The following RPS6KC1 variants were observed in gnomAD, a reference collection of about 807,000 sequenced individuals.
RPS6KC1 encodes the protein ribosomal protein S6 kinase C1.
A neutral mutation model predicts 103.8 loss-of-function variants in RPS6KC1; 54 were observed. The ratio of observed to expected loss-of-function variants is 0.52; its 90% CI spans 0.42 to 0.65. The LOEUF (loss-of-function observed/expected upper bound fraction) is 0.65, where lower values mean the gene tolerates loss of function less well. Ranked by LOEUF, RPS6KC1 falls within the 30% of genes least tolerant of loss-of-function variation. The probability of loss-of-function intolerance (pLI) is 0.00; values close to 1 mark genes in which losing one functional copy is unlikely to be tolerated. For synonymous variants in RPS6KC1, 439 were observed against 438.7 expected (o/e 1.00, Z -0.01); for missense variants, 1,151 against 1,253.8 (o/e 0.92, Z 1.24).
At chr1:213,357,179 C>T in the RPS6KC1 span, among the ~76,000 whole-genome samples, 1 of 151,164 alleles carries the variant, frequency 6.6e-6, no homozygotes, top group East Asian at 1.9e-4. Flanking sequence ...TCCAGGAATA[C>T]ACATATTAAA....
chr1:213,611,163 A>T, the RPS6KC1 span, among the ~76,000 whole-genome samples: 1 of 152,008 alleles, frequency 6.6e-6, no homozygotes, highest in African/African-American at 2.4e-5. Context: ...CTTCTTTCCC[A>T]CTTTATTTTC....
At chr1:213,640,679 A>G in the RPS6KC1 span, among the ~76,000 whole-genome samples, 3 of 151,734 alleles carry the variant, frequency 2.0e-5, no homozygotes, top group African/African-American at 7.2e-5. Flanking sequence ...ACCTTTCCAC[A>G]TGTTTGAAGA....
chr1:213,263,352 T>G (rs1018125255), intron 14 of RPS6KC1, among the ~76,000 whole-genome samples: 1 of 152,134 alleles, frequency 6.6e-6, no homozygotes, highest in Non-Finnish European at 1.5e-5. Context: ...ATAATTAAAG[T>G]TCAGTATCCC....
intron 3 of RPS6KC1, among the ~76,000 whole-genome samples, chr1:213,085,115 CA>C (rs1475897514): frequency 5.9e-5 from 9 of 152,322 alleles, no homozygotes; most frequent in African/African-American, 2.2e-4. Flanking sequence ...AAGGTGTTGG[CA>C]GGGATGCTCT....
At chr1:213,074,752 C>CATGG (rs550868559) in intron 2 of RPS6KC1, among the ~76,000 whole-genome samples, 123 of 151,120 alleles carry the variant, frequency 8.1e-4, no homozygotes, top group Non-Finnish European at 1.6e-3. Flanking sequence ...GTTCATATAC[C>CATGG]ATGGTATTTT....
the RPS6KC1 span, among the ~76,000 whole-genome samples, chr1:213,838,307 A>G: frequency 1.3e-5 from 2 of 152,138 alleles, no homozygotes; most frequent in East Asian, 3.9e-4. Context: ...GACCCTTGGG[A>G]TGACCATGTG....
chr1:213,545,416 A>AAATAAATAAATAAAT, the RPS6KC1 span, among the ~76,000 whole-genome samples: 7 of 64,230 alleles, frequency 1.1e-4, no homozygotes, highest in African/African-American at 1.9e-4. Flanking sequence ...ATAAATAAAT[A>AAATAAATAAATAAAT]AAATAAAATA....
At chr1:213,114,140 T>C (rs1189931553) in intron 4 of RPS6KC1, among the ~76,000 whole-genome samples, 2 of 152,084 alleles carry the variant, frequency 1.3e-5, no homozygotes, top group Non-Finnish European at 2.9e-5. Context: ...AATCTGTAAA[T>C]TACCTTGGGC....
At chr1:213,488,892 T>C in the RPS6KC1 span, among the ~76,000 whole-genome samples, 1 of 152,368 alleles carries the variant, frequency 6.6e-6, no homozygotes, top group South Asian at 2.1e-4. Flanking sequence ...TGACATACTC[T>C]AGAAAAGTGT....
At chr1:213,090,953 G>A (rs891584870) in intron 3 of RPS6KC1, among the ~76,000 whole-genome samples, 9 of 152,204 alleles carry the variant, frequency 5.9e-5, no homozygotes, top group Non-Finnish European at 1.0e-4. Flanking sequence ...GGAGATAGCT[G>A]GATTCTTATA....
At chr1:213,557,713 G>A in the RPS6KC1 span, among the ~76,000 whole-genome samples, 4 of 152,150 alleles carry the variant, frequency 2.6e-5, no homozygotes, top group Admixed American at 1.3e-4. Flanking sequence ...GCATGCCAGT[G>A]TTGTCTCTCC....
the RPS6KC1 span, among the ~76,000 whole-genome samples, chr1:213,828,294 A>G: frequency 6.6e-6 from 1 of 152,198 alleles, no homozygotes; most frequent in African/African-American, 2.4e-5. Context: ...CCTTCTCCCC[A>G]CAGTGCCACA....
At chr1:213,310,346 A>G in the RPS6KC1 span, among the ~76,000 whole-genome samples, 1 of 152,058 alleles carries the variant, frequency 6.6e-6, no homozygotes, top group African/African-American at 2.4e-5. Context: ...CTGTGATGTC[A>G]CCCGTATCCC....
At chr1:213,574,210 T>A in the RPS6KC1 span, among the ~76,000 whole-genome samples, 1 of 152,246 alleles carries the variant, frequency 6.6e-6, no homozygotes, top group Non-Finnish European at 1.5e-5. Flanking sequence ...CTTTCCTTGA[T>A]AGTGTCTTTC....
chr1:213,314,587 T>G, the RPS6KC1 span, among the ~76,000 whole-genome samples: 1 of 151,986 alleles, frequency 6.6e-6, no homozygotes. Flanking sequence ...TACCAAAGGC[T>G]CTGAGGAATC....
chr1:213,685,791 A>G, the RPS6KC1 span, among the ~76,000 whole-genome samples: 3 of 152,214 alleles, frequency 2.0e-5, no homozygotes, highest in Non-Finnish European at 4.4e-5. Flanking sequence ...GGCATAAAAT[A>G]AGCACCCTAA....
the RPS6KC1 span, among the ~76,000 whole-genome samples, chr1:213,699,899 A>AT: frequency 3.3e-5 from 5 of 151,914 alleles, no homozygotes; most frequent in Non-Finnish European, 5.9e-5. Context: ...AGATTATTGC[A>AT]TTTTTTTCCT....
chr1:213,146,393 T>G (rs549544646), intron 6 of RPS6KC1, among the ~76,000 whole-genome samples: 3 of 151,982 alleles, frequency 2.0e-5, no homozygotes, highest in African/African-American at 7.2e-5. Context: ...TTTCCTTTCT[T>G]TGGAGTGTAT....
chr1:213,459,384 G>A, the RPS6KC1 span, among the ~76,000 whole-genome samples: 1 of 152,150 alleles, frequency 6.6e-6, no homozygotes, highest in Admixed American at 6.6e-5. Context: ...TATTTGTGTA[G>A]AGGTGTTTAT....
Sources: gnomAD v4.1 joint callset for allele counts (sites outside exome capture counted in the v4.1 genomes callset) on GRCh38, gnomAD v4.1.1 for gene constraint, MANE v1.5 for transcripts, NCBI Gene and HGNC (gene_info 2026-07-23, HGNC 2026-07-21) for gene names.